Variants in LRRC2 observed in about 807,000 individuals in gnomAD.
LRRC2 encodes leucine rich repeat containing 2.
LRRC2 carries 27 observed loss-of-function variants against 40.2 expected under a neutral mutation model. That is an observed-to-expected ratio of 0.67 (90% confidence interval 0.49 to 0.93). The LOEUF is 0.93. LRRC2 is among the 40% of genes least tolerant of loss of function. The probability of loss-of-function intolerance (pLI) is 0.00; values close to 1 mark genes in which losing one functional copy is unlikely to be tolerated. For synonymous variants in LRRC2, 147 were observed against 158.9 expected, an observed-to-expected ratio of 0.92 and a Z score of 0.56; for missense variants, 402 against 439.6, an observed-to-expected ratio of 0.91 and a Z score of 0.76.
chr3:46,529,595 T>A (rs1704122617), intron 6 of LRRC2, among the ~76,000 whole-genome samples: 1 of 152,228 alleles, frequency 6.6e-6, no homozygotes, highest in Non-Finnish European at 1.5e-5. Flanking sequence ...CTATACTTAA[T>A]AAATTAACTT....
At chr3:46,564,848 G>C (rs1326410149) in intron 1 of LRRC2, among the ~76,000 whole-genome samples, 1 of 152,192 alleles carries the variant, frequency 6.6e-6, no homozygotes, top group Non-Finnish European at 1.5e-5. Flanking sequence ...CATCAGCCTT[G>C]CTGTATCCAA....
intron 1 of LRRC2, among the ~76,000 whole-genome samples, chr3:46,552,820 C>A (rs1390328470): frequency 4.6e-5 from 7 of 152,056 alleles, no homozygotes; most frequent in African/African-American, 1.7e-4. Context: ...GCAGATTGAA[C>A]CTTCACAAAC....
intron 7 of LRRC2, among the ~76,000 whole-genome samples, chr3:46,523,024 G>A (rs1703994550): frequency 1.3e-5 from 2 of 152,052 alleles, no homozygotes; most frequent in Admixed American, 6.6e-5. Flanking sequence ...TATGAGCCAC[G>A]AGTGTTGTTT....
At chr3:46,565,158 T>C (rs1315369968) in intron 1 of LRRC2, among the ~76,000 whole-genome samples, 1 of 152,310 alleles carries the variant, frequency 6.6e-6, no homozygotes, top group South Asian at 2.1e-4. Flanking sequence ...TTTGTTTAGC[T>C]AGAAAATCCA....
chr3:46,540,844 G>T (rs997853793), intron 3 of LRRC2, among the ~76,000 whole-genome samples: 1 of 152,136 alleles, frequency 6.6e-6, no homozygotes, highest in African/African-American at 2.4e-5. Flanking sequence ...ACACCAGAGG[G>T]TTGCCTCCTG....
Position 46,530,018 on chromosome 3 carries a change from A to T in LRRC2, c.660T>A (p.Asp220Glu). 1.2e-6 allele frequency: 2 copies of T among 1,613,694 alleles called. No individual in the cohort carries two copies. Among genetic ancestry groups the T allele is most frequent in the Non-Finnish European group, 1.7e-6 (2 of 1,179,602 alleles). ...LSNLKQVTFV[D>E]ISANKFSSVP... ...CACTGGAAAACTTGTTTGCTGAGAT[A>T]TCTACAAATGTAACTTGCTTCAAAT... is the stretch of plus-strand genomic sequence containing the variant. The change falls in exon 6 of 9, where the codon GAT becomes GAA. Residue 220 changes from aspartate (D) to glutamate (E), a missense_variant. By Grantham distance (45) the Asp-to-Glu change is conservative. Coordinates refer to ENST00000395905, the MANE Select transcript of LRRC2 (RefSeq NM_024512.5).
chr3:46,560,979 T>A (rs568795345), intron 1 of LRRC2, among the ~76,000 whole-genome samples: 29 of 152,322 alleles, frequency 1.9e-4, no homozygotes, highest in African/African-American at 6.7e-4. Context: ...AGGAAAATAA[T>A]GCCTGGAAAA....
chr3:46,532,743 A>C (rs758437151), intron 5 of LRRC2, 30 bp downstream of exon 5: 17 of 1,602,944 alleles, frequency 1.1e-5, no homozygotes, highest in Non-Finnish European at 5.1e-6. Flanking sequence ...AATAAAAGTG[A>C]ATCGTAGTAC....
chr3:46,542,697 CG>C (rs1266045668), intron 3 of LRRC2, among the ~76,000 whole-genome samples: 2 of 152,130 alleles, frequency 1.3e-5, no homozygotes, highest in African/African-American at 2.4e-5. Flanking sequence ...GCAAACAGCT[CG>C]GGGAAATTAA....
chr3:46,546,546 A>G lies in LRRC2; in HGVS notation c.126-1293T>C, dbSNP rs948201727. ...AGCCTCCAGGGGATTCTCTGATTCTATAGGTATGTACCTTTGACTTTGACT... is the reference window on the plus strand; with the variant it reads ...AGCCTCCAGGGGATTCTCTGATTCTGTAGGTATGTACCTTTGACTTTGACT... On this transcript the variant is annotated intron_variant, in intron 2 of 8. Coordinates refer to ENST00000395905, the MANE Select transcript of LRRC2 (RefSeq NM_024512.5). 2.0e-5 allele frequency among the ~76,000 whole-genome samples: 3 copies of G among 152,208 alleles called. No individual in the cohort carries two copies. In the East Asian group the frequency reaches 5.8e-4, roughly 29 times the overall value.
intron 4 of LRRC2, among the ~76,000 whole-genome samples, chr3:46,534,861 T>G (rs34667937): frequency 0.3 from 44,925 of 152,022 alleles, 7,373 homozygotes; most frequent in Middle Eastern, 0.49. Context: ...AAAATTCAGC[T>G]GCTCAACATA....
In LRRC2 at chr3:46,532,852, G is replaced by A; in HGVS notation, c.548C>T (p.Pro183Leu). ...ATTTTCACAATCTCCCAATTCTGGA[G>A]GAATGCTCTTCAGATAGTTGAAACC... The part of the protein sequence containing the change: ...NVGFNYLKSI[P>L]PELGDCENLE... Residue 183 changes from proline to leucine, a missense_variant, in exon 5 of 9, where the codon CCT becomes CTT. Transcript: ENST00000395905. 1 of 1,613,972 alleles carries A rather than the reference G, an allele frequency of 6.2e-7. No individual in the cohort carries two copies. The highest frequency in any genetic ancestry group is 8.5e-7 in the Non-Finnish European group (1 of 1,179,906).
intron 4 of LRRC2, among the ~76,000 whole-genome samples, chr3:46,536,822 A>G (rs780472760): frequency 1.3e-5 from 2 of 152,252 alleles, no homozygotes; most frequent in Non-Finnish European, 2.9e-5. Context: ...GGGAAGTTAA[A>G]AAAGAACAGG....
At chr3:46,526,396 G>A (rs568070389) in intron 7 of LRRC2, among the ~76,000 whole-genome samples, 1 of 152,260 alleles carries the variant, frequency 6.6e-6, no homozygotes, top group African/African-American at 2.4e-5. Flanking sequence ...TCCAGGGGCT[G>A]GATGTGGAAG....
intron 4 of LRRC2, among the ~76,000 whole-genome samples, chr3:46,535,711 T>C (rs1016289998): frequency 6.6e-6 from 1 of 152,200 alleles, no homozygotes; most frequent in African/African-American, 2.4e-5. Flanking sequence ...ACAAGTTAAA[T>C]AAATCATGCC....
intron 3 of LRRC2, among the ~76,000 whole-genome samples, chr3:46,542,593 A>C (rs1704418846): frequency 6.6e-6 from 1 of 152,180 alleles, no homozygotes; most frequent in Admixed American, 6.5e-5. Flanking sequence ...AAATAAAAAC[A>C]GAACAAAATT....
intron 2 of LRRC2, among the ~76,000 whole-genome samples, chr3:46,547,692 A>C (rs1389998829): frequency 1.4e-5 from 1 of 72,224 alleles, no homozygotes; most frequent in African/African-American, 5.9e-5. Context: ...TATATATAAC[A>C]TATGTGTGTG....
At chr3:46,532,420 C>T (rs987799229) in intron 5 of LRRC2, among the ~76,000 whole-genome samples, 2 of 152,142 alleles carry the variant, frequency 1.3e-5, no homozygotes, top group Non-Finnish European at 2.9e-5. Context: ...GCCTGGCCAA[C>T]ATAGTGAAAC....
rs116946355 is a variant in LRRC2 at position 46,526,288 on chromosome 3, T to C, written c.929+1138A>G. Among the ~76,000 whole-genome samples, 31 of 152,366 alleles carry C rather than the reference T, an allele frequency of 2.0e-4. No individual in the cohort carries two copies. In the East Asian group the frequency reaches 6.0e-3, roughly 29 times the overall value. ...TCAAAGAGCTTCCATCTGACTCTCT[T>C]AGATTTCTGAGTCCTACAATTATAT... On this transcript the variant is annotated intron_variant, in intron 7 of 8. Transcript: ENST00000395905.
Sources: gnomAD v4.1 joint callset for allele counts (sites outside exome capture counted in the v4.1 genomes callset) on GRCh38, gnomAD v4.1.1 for gene constraint, MANE v1.5 for transcripts, NCBI Gene and HGNC (gene_info 2026-07-23, HGNC 2026-07-21) for gene names.